NRDE2: variants seen among roughly 807,000 people sequenced by gnomAD.
The protein encoded by NRDE2 is NRDE-2, necessary for RNA interference, domain containing, also known as nuclear exosome regulator NRDE2.
In NRDE2, 76 loss-of-function variants were observed where a neutral mutation model predicts 124.2. The observed-to-expected ratio is 0.61, with a 90% CI of 0.51 to 0.74. NRDE2 has a LOEUF of 0.74. Ranked by LOEUF, NRDE2 falls within the 30% of genes least tolerant of loss-of-function variation. NRDE2 has a pLI of 0.00. For missense variants in NRDE2, 1,314 were observed against 1,417.3 expected (o/e 0.93, Z 1.17); for synonymous variants, 489 against 528.1 (o/e 0.93, Z 1.01).
chr14:90,312,608 G>T, intron 3 of NRDE2, 65 bp from the exon 4 acceptor site: 1 of 1,524,684 alleles, frequency 6.6e-7, no homozygotes, highest in Non-Finnish European at 9.1e-7. Context: ...GACGCAGGTG[G>T]CATTTTCAGC....
rs138826516 is a variant in NRDE2, at chr14:90,305,689, G to A, written c.558-1307C>T. ...AGCCAGATACAAAAGAGTACACACT[G>A]TATAATTCCACTTACATGCATTTTA... On this transcript the variant is annotated intron_variant, in intron 4 of 13. Coordinates refer to ENST00000354366, the MANE Select transcript of NRDE2 (RefSeq NM_017970.4). 2.5e-4 allele frequency among the ~76,000 whole-genome samples: 38 copies of A among 152,338 alleles called. 1 individual carries two copies. The highest frequency in any genetic ancestry group is 7.7e-4 in the African/African-American group (32 of 41,578).
rs932115166 is a variant in NRDE2, at chr14:90,275,170, C to G, written c.*3166G>C. The G allele has an allele frequency of 3.9e-5, 6 of 152,128 alleles. No individual in the cohort carries two copies. Among genetic ancestry groups the G allele is most frequent in the Non-Finnish European group, 7.4e-5 (5 of 68,018 alleles). 9.4% of individuals were successfully genotyped at this position (152,128 alleles called of 1,614,324 possible). A position where few individuals can be genotyped will look rare whatever the true frequency, so the allele number is the denominator to read the frequency against. On this transcript the variant is annotated 3_prime_UTR_variant, in exon 14 of 14. Transcript: ENST00000354366. ...TATCCACGTCTTGGAAGTCAAAAAG[C>G]TTCCAATCAGAAGGAGACCAAAGAG...
At chr14:90,327,720 T>G (rs1372378382) in intron 1 of NRDE2, among the ~76,000 whole-genome samples, 2 of 152,208 alleles carry the variant, frequency 1.3e-5, no homozygotes. Context: ...GAATCAAGTA[T>G]TTATCCCAGG....
At chr14:90,329,799 C>CT (rs898832094) in intron 1 of NRDE2, among the ~76,000 whole-genome samples, 2 of 140,138 alleles carry the variant, frequency 1.4e-5, no homozygotes, top group Non-Finnish European at 3.1e-5. Flanking sequence ...GATTGTGCCA[C>CT]TGCACTCCAG....
intron 7 of NRDE2, 144 bp downstream of exon 7, chr14:90,301,095 T>C (rs1185797272): frequency 9.2e-6 from 7 of 761,088 alleles, no homozygotes; most frequent in East Asian, 7.9e-5. Context: ...CTCAGCAGAC[T>C]GATATAAAGG....
chr14:90,285,270 T>TAAA (rs796590562), intron 12 of NRDE2, among the ~76,000 whole-genome samples: 3 of 106,024 alleles, frequency 2.8e-5, no homozygotes, highest in South Asian at 3.4e-4. Context: ...GACCTTGTCT[T>TAAA]AAAAAAAAAA....
At chr14:90,279,041 A>C in intron 13 of NRDE2, 21 bp downstream of exon 13, 2 of 1,563,398 alleles carry the variant, frequency 1.3e-6, no homozygotes, top group Non-Finnish European at 1.8e-6. Context: ...AGCTGAAGAC[A>C]CCATGGCCTT....
intron 5 of NRDE2, 65 bp downstream of exon 5, chr14:90,303,870 C>T: frequency 7.0e-7 from 1 of 1,422,438 alleles, no homozygotes; most frequent in Non-Finnish European, 9.6e-7. Flanking sequence ...GCTGCACAGT[C>T]CATCAGTTTG....
At chr14:90,329,608 G>A (rs1161498921) in intron 1 of NRDE2, among the ~76,000 whole-genome samples, 6 of 151,856 alleles carry the variant, frequency 4.0e-5, no homozygotes, top group Non-Finnish European at 8.8e-5. Flanking sequence ...AGGCCGAGGT[G>A]GGCGGATTAT....
rs751277590 is a variant in NRDE2, at chr14:90,279,115, C to A, written c.3316G>T (p.Glu1106Ter). 1.2e-5 allele frequency: 20 copies of A among 1,612,080 alleles called. No homozygotes were observed. The highest frequency in any genetic ancestry group is 1.1e-4 in the South Asian group (10 of 91,052). Reference protein sequence around the residue: ...LNFLVSLGNKERSKGVFYKAL... With the variant: ...LNFLVSLGNK ...TTGTAGAATACACCTTTGCTTCTTT[C>A]TTTATTTCCTAAGGAAACCTGAGGT... Residue 1106 changes from glutamate (E) to a stop codon, truncating the protein, a stop_gained, in exon 13 of 14, where the codon GAA becomes TAA. Transcript: ENST00000354366. LOFTEE classifies it high-confidence loss of function.
intron 3 of NRDE2, among the ~76,000 whole-genome samples, chr14:90,315,957 CAAAAAAAAAAA>C (rs59604203): frequency 1.3e-5 from 1 of 74,402 alleles, no homozygotes; most frequent in Non-Finnish European, 2.5e-5. Flanking sequence ...AACCCCGTCT[CAAAAAAAAAAA>C]AAAAAAAAAA....
chr14:90,304,525 T>C (rs1165217323), intron 4 of NRDE2, 143 bp from the exon 5 acceptor site: 1 of 608,000 alleles, frequency 1.6e-6, no homozygotes, highest in East Asian at 2.8e-5. Flanking sequence ...TGTTTCTATT[T>C]GGAGATACAC....
At position 90,270,256 on chromosome 14, in the gene NRDE2, C is replaced by T. The variant is rs756313118; in HGVS notation, c.*8080G>A. The T allele has an allele frequency of 1.9e-6, 3 of 1,613,658 alleles. No homozygotes were observed. Among genetic ancestry groups the T allele is most frequent in the Non-Finnish European group, 2.5e-6 (3 of 1,179,862 alleles). Reference sequence around the variant, plus strand: ...CTGATGAAAAGACGAAGAAGCGCATCTTTCAGATTCACACAAGCAGGATGA... The same window carrying T: ...CTGATGAAAAGACGAAGAAGCGCATTTTTCAGATTCACACAAGCAGGATGA... On this transcript the variant is annotated 3_prime_UTR_variant, in exon 14 of 14. Transcript: ENST00000354366.
Position 90,269,248 on chromosome 14 carries a change from T to A in NRDE2, c.*9088A>T. 1 of 688,280 alleles carries A rather than the reference T, an allele frequency of 1.5e-6. No homozygotes were observed. The highest frequency in any genetic ancestry group is 2.4e-6 in the Non-Finnish European group (1 of 420,192). 42.6% of individuals were successfully genotyped at this position (688,280 alleles called of 1,614,324 possible). The stretch of plus-strand genomic sequence containing the variant: ...ACCATGGCAAGGGGTGCTGAATTTA[T>A]TTTTTCCGAGCATAATTGAGGGAGT... On this transcript the variant is annotated 3_prime_UTR_variant, in exon 14 of 14. Coordinates refer to ENST00000354366, the MANE Select transcript of NRDE2 (RefSeq NM_017970.4).
intron 9 of NRDE2, among the ~76,000 whole-genome samples, chr14:90,292,335 C>A (rs966991848): frequency 1.7e-4 from 26 of 152,168 alleles, no homozygotes; most frequent in African/African-American, 6.3e-4. Flanking sequence ...GACAGTGATT[C>A]CGAGTTTTTT....
At chr14:90,325,721 TTTGTCATG>T (rs1320853393) in intron 1 of NRDE2, among the ~76,000 whole-genome samples, 11 of 152,250 alleles carry the variant, frequency 7.2e-5, no homozygotes, top group African/African-American at 2.6e-4. Flanking sequence ...GAGTCAGGGT[TTTGTCATG>T]TTGCCCAGGC....
In NRDE2 at chr14:90,270,416, A is replaced by G. The variant is rs1244355630; in HGVS notation, c.*7920T>C. The stretch of plus-strand genomic sequence containing the variant: ...GGCCGTCAATCAGGAAAGAGTCTAT[A>G]TGTGCTCTTGGGATGGTGGTTGGCC... On this transcript the variant is annotated 3_prime_UTR_variant, in exon 14 of 14. Transcript: ENST00000354366. 13 of 1,538,676 alleles carry G rather than the reference A, an allele frequency of 8.4e-6. No homozygotes were observed. The South Asian group carries it at 1.2e-4, about 14-fold the overall frequency.
chr14:90,326,416 C>T (rs1377167772), intron 1 of NRDE2, among the ~76,000 whole-genome samples: 4 of 151,554 alleles, frequency 2.6e-5, no homozygotes, highest in Admixed American at 2.6e-4. Flanking sequence ...ATGGCGTGAA[C>T]CCGGGAAGCG....
At chr14:90,314,949 T>C (rs1414226439) in intron 3 of NRDE2, among the ~76,000 whole-genome samples, 1 of 151,616 alleles carries the variant, frequency 6.6e-6, no homozygotes, top group Admixed American at 6.6e-5. Context: ...GCGGGTGGAT[T>C]ACCTGAGGTC....
Sources: gnomAD v4.1 joint callset for allele counts (sites outside exome capture counted in the v4.1 genomes callset) on GRCh38, gnomAD v4.1.1 for gene constraint, MANE v1.5 for transcripts, NCBI Gene and HGNC (gene_info 2026-07-23, HGNC 2026-07-21) for gene names.